Variants in SEMA3E observed in about 807,000 individuals in gnomAD.
The protein encoded by SEMA3E is semaphorin 3E.
SEMA3E carries 49 observed loss-of-function variants against 93.6 expected under a neutral mutation model. The ratio of observed to expected loss-of-function variants is 0.52; its 90% confidence interval spans 0.42 to 0.66. SEMA3E has a LOEUF of 0.66. Among genes scored for constraint, SEMA3E ranks in the 30% least tolerant of loss-of-function variants. SEMA3E has a pLI of 0.00. For synonymous variants in SEMA3E, 363 were observed against 330.7 expected, an observed-to-expected ratio of 1.10 and a Z score of -1.06; for missense variants, 906 against 964.8, an observed-to-expected ratio of 0.94 and a Z score of 0.81.
intron 1 of SEMA3E, among the ~76,000 whole-genome samples, chr7:83,518,977 T>C (rs191020252): frequency 6.6e-6 from 1 of 152,194 alleles, no homozygotes; most frequent in East Asian, 1.9e-4. Flanking sequence ...CTTTTTATTT[T>C]ATTATTATTA....
At chr7:83,410,406 T>A (rs560100222) in intron 5 of SEMA3E, among the ~76,000 whole-genome samples, 4 of 151,984 alleles carry the variant, frequency 2.6e-5, no homozygotes, top group Non-Finnish European at 4.4e-5. Context: ...GTGAGAGGTA[T>A]GATGTAAGGA....
At chr7:83,439,051 A>T (rs879230467) in intron 4 of SEMA3E, among the ~76,000 whole-genome samples, 1 of 152,196 alleles carries the variant, frequency 6.6e-6, no homozygotes, top group Non-Finnish European at 1.5e-5. Context: ...CTTTTTATAA[A>T]ACCATGAATA....
At chr7:83,540,635 G>A (rs985478309) in intron 1 of SEMA3E, among the ~76,000 whole-genome samples, 1 of 152,068 alleles carries the variant, frequency 6.6e-6, no homozygotes. Context: ...ACTTCTCAAG[G>A]GTTGATCCAC....
At chr7:83,497,940 T>A (rs182596167) in intron 1 of SEMA3E, among the ~76,000 whole-genome samples, 1 of 152,304 alleles carries the variant, frequency 6.6e-6, no homozygotes, top group Admixed American at 6.5e-5. Context: ...AATTTTCAGA[T>A]TCCTTGTGTT....
At chr7:83,509,883 C>A (rs1790781813) in intron 1 of SEMA3E, among the ~76,000 whole-genome samples, 1 of 152,144 alleles carries the variant, frequency 6.6e-6, no homozygotes, top group Non-Finnish European at 1.5e-5. Flanking sequence ...TCCCTGGGTT[C>A]ACAAGCTTGT....
chr7:83,499,156 T>G (rs2115592249), intron 1 of SEMA3E, among the ~76,000 whole-genome samples: 1 of 152,320 alleles, frequency 6.6e-6, no homozygotes, highest in South Asian at 2.1e-4. Flanking sequence ...TGAAATCTTT[T>G]AAATTTTTAC....
rs78858559 is a variant in SEMA3E, at chr7:83,387,222, T to C, written c.1668-172A>G. On this transcript the variant is annotated intron_variant, in intron 14 of 16. Transcript: ENST00000643230. ...TAGTTTTTCATATTTCCATTATATG[T>C]TCTTCAGTAGCTAAGATCTATGTTA... Among the ~76,000 whole-genome samples the C allele has an allele frequency of 0.12, 18,345 of 152,228 alleles. 1,226 individuals are homozygous for C. The highest frequency in any genetic ancestry group is 0.15 in the Non-Finnish European group (10,363 of 67,988).
chr7:83,619,367 A>C (rs1793495362), intron 1 of SEMA3E, among the ~76,000 whole-genome samples: 1 of 151,920 alleles, frequency 6.6e-6, no homozygotes, highest in Non-Finnish European at 1.5e-5. Flanking sequence ...ACAAAGCAAA[A>C]TATAAAAACC....
chr7:83,563,163 C>G (rs565689447), intron 1 of SEMA3E, among the ~76,000 whole-genome samples: 1 of 152,238 alleles, frequency 6.6e-6, no homozygotes, highest in East Asian at 1.9e-4. Flanking sequence ...ACTATGCAAT[C>G]AAGAAGGTTA....
intron 15 of SEMA3E, among the ~76,000 whole-genome samples, chr7:83,386,454 T>G (rs1168000013): frequency 6.6e-6 from 1 of 152,092 alleles, no homozygotes; most frequent in Non-Finnish European, 1.5e-5. Flanking sequence ...AAGATGAGAT[T>G]TCCTCCATTC....
intron 1 of SEMA3E, among the ~76,000 whole-genome samples, chr7:83,539,269 G>T (rs940829314): frequency 6.6e-6 from 1 of 152,140 alleles, no homozygotes; most frequent in African/African-American, 2.4e-5. Context: ...CAGATTTTTA[G>T]AAGTTATCCC....
At chr7:83,628,962 G>C (rs1793729325) in intron 1 of SEMA3E, among the ~76,000 whole-genome samples, 1 of 152,052 alleles carries the variant, frequency 6.6e-6, no homozygotes, top group Admixed American at 6.6e-5. Context: ...CCTTCAGATG[G>C]AGTTTTTGAG....
chr7:83,631,157 CT>C (rs1037932259), intron 1 of SEMA3E, among the ~76,000 whole-genome samples: 2 of 152,130 alleles, frequency 1.3e-5, no homozygotes, highest in Admixed American at 1.3e-4. Flanking sequence ...TAAAAAGCTT[CT>C]GTTTATTTTA....
At chr7:83,462,408 C>T (rs573521044) in intron 4 of SEMA3E, among the ~76,000 whole-genome samples, 1 of 152,262 alleles carries the variant, frequency 6.6e-6, no homozygotes, top group South Asian at 2.1e-4. Context: ...CCCACCTGCC[C>T]AGTTCCCTTA....
chr7:83,396,464 G>A lies in SEMA3E; in HGVS notation c.1458+174C>T, dbSNP rs76294111. The stretch of plus-strand genomic sequence containing the variant: ...TAAATATTGATCTCTCAGTTGAAAC[G>A]TCTGTAACAATCAAACAGATGCATT... On this transcript the variant is annotated intron_variant, in intron 12 of 16. Transcript: ENST00000643230. Among the ~76,000 whole-genome samples, 1,576 of 151,818 alleles carry A rather than the reference G, an allele frequency of 0.01. 27 individuals carry two copies. The highest frequency in any genetic ancestry group is 0.037 in the African/African-American group (1,520 of 41,430).
chr7:83,451,376 C>A (rs1197245428), intron 4 of SEMA3E, among the ~76,000 whole-genome samples: 1 of 152,068 alleles, frequency 6.6e-6, no homozygotes, highest in Non-Finnish European at 1.5e-5. Context: ...TTAACTAAAT[C>A]TTTTACATAT....
intron 1 of SEMA3E, among the ~76,000 whole-genome samples, chr7:83,561,894 T>C (rs973117814): frequency 6.6e-6 from 1 of 152,104 alleles, no homozygotes; most frequent in Non-Finnish European, 1.5e-5. Flanking sequence ...TATCTAAAGA[T>C]TGAGTTTTCA....
At chr7:83,394,395 A>G in intron 12 of SEMA3E, 57 bp from the exon 13 acceptor site, 1 of 1,420,998 alleles carries the variant, frequency 7.0e-7, no homozygotes, top group South Asian at 1.2e-5. Context: ...CATTTACCTT[A>G]ATATGGTTGT....
chr7:83,369,228 TACAA>T (rs199874448), intron 16 of SEMA3E, among the ~76,000 whole-genome samples: 1,939 of 152,274 alleles, frequency 0.013, 22 homozygotes, highest in Non-Finnish European at 0.017. Flanking sequence ...AGGCAATAAT[TACAA>T]ACAATTTGGC....
Sources: gnomAD v4.1 joint callset for allele counts (sites outside exome capture counted in the v4.1 genomes callset) on GRCh38, gnomAD v4.1.1 for gene constraint, MANE v1.5 for transcripts, NCBI Gene and HGNC (gene_info 2026-07-23, HGNC 2026-07-21) for gene names.